Variants in CADM2 observed in about 807,000 individuals in gnomAD.
The protein encoded by CADM2 is cell adhesion molecule 2.
CADM2 carries 12 observed loss-of-function variants against 49.8 expected under a neutral mutation model. The ratio of observed to expected loss-of-function variants is 0.24; its 90% CI spans 0.15 to 0.39. The LOEUF (loss-of-function observed/expected upper bound fraction) is 0.39. CADM2 is among the 10% of genes least tolerant of loss of function. CADM2 has a pLI of 1.00. For synonymous variants in CADM2, 214 were observed against 175.4 expected, an observed-to-expected ratio of 1.22 and a Z score of -1.74; for missense variants, 378 against 492.3, an observed-to-expected ratio of 0.77 and a Z score of 2.20.
intron 1 of CADM2, among the ~76,000 whole-genome samples, chr3:85,452,708 G>C (rs2037806898): frequency 6.6e-6 from 1 of 152,132 alleles, no homozygotes; most frequent in Non-Finnish European, 1.5e-5. Context: ...ATTCTCAGAA[G>C]AACTGTCAAG....
intron 1 of CADM2, among the ~76,000 whole-genome samples, chr3:85,262,264 T>C (rs2043028698): frequency 6.6e-6 from 1 of 152,116 alleles, no homozygotes; most frequent in African/African-American, 2.4e-5. Context: ...GATTTTAATT[T>C]TATTCATATT....
At chr3:85,487,342 C>T (rs1232827848) in intron 1 of CADM2, among the ~76,000 whole-genome samples, 1 of 152,118 alleles carries the variant, frequency 6.6e-6, no homozygotes, top group Non-Finnish European at 1.5e-5. Context: ...AACAACACAT[C>T]CATCTCTAGA....
chr3:85,711,452 G>A (rs1577138533), intron 1 of CADM2, among the ~76,000 whole-genome samples: 1 of 152,018 alleles, frequency 6.6e-6, no homozygotes, highest in East Asian at 1.9e-4. Context: ...AAAACATTAA[G>A]TTTCTTCTTT....
intron 1 of CADM2, among the ~76,000 whole-genome samples, chr3:84,988,346 A>T (rs1219409645): frequency 6.6e-6 from 1 of 152,246 alleles, no homozygotes; most frequent in Non-Finnish European, 1.5e-5. Context: ...GCCTTAGGCC[A>T]AGTTCTAGCC....
At chr3:85,245,404 T>C (rs1443428840) in intron 1 of CADM2, among the ~76,000 whole-genome samples, 2 of 151,482 alleles carry the variant, frequency 1.3e-5, no homozygotes, top group African/African-American at 2.4e-5. Flanking sequence ...ACCAGCTACT[T>C]GGGAGGCTGA....
chr3:85,898,951 A>ATTT (rs1559729799), intron 5 of CADM2, among the ~76,000 whole-genome samples: 1 of 48,546 alleles, frequency 2.1e-5, no homozygotes, highest in Non-Finnish European at 3.5e-5. Flanking sequence ...ATATATATAT[A>ATTT]TATATTTTTT....
intron 1 of CADM2, among the ~76,000 whole-genome samples, chr3:85,060,511 C>T (rs1045370736): frequency 6.6e-6 from 1 of 152,064 alleles, no homozygotes; most frequent in African/African-American, 2.4e-5. Context: ...GACACACTTC[C>T]TTGGAGTTAT....
chr3:85,769,488 CATATATACATAT>C (rs2069914135), intron 2 of CADM2, among the ~76,000 whole-genome samples: 1 of 56,280 alleles, frequency 1.8e-5, no homozygotes, highest in Non-Finnish European at 2.8e-5. Context: ...CACGTATATA[CATATATACATAT>C]ATGTATATAT....
At chr3:85,718,061 C>T (rs914015052) in intron 1 of CADM2, among the ~76,000 whole-genome samples, 4 of 152,144 alleles carry the variant, frequency 2.6e-5, no homozygotes, top group Admixed American at 6.5e-5. Flanking sequence ...TAAGCCACCA[C>T]GTCCAGCCAG....
intron 2 of CADM2, among the ~76,000 whole-genome samples, chr3:85,744,656 G>A (rs2068539251): frequency 1.3e-5 from 2 of 152,152 alleles, no homozygotes; most frequent in Non-Finnish European, 2.9e-5. Context: ...TGAGCACTAT[G>A]AGTTAAGTAT....
intron 1 of CADM2, among the ~76,000 whole-genome samples, chr3:85,051,362 A>G (rs2035875685): frequency 6.6e-6 from 1 of 152,324 alleles, no homozygotes; most frequent in South Asian, 2.1e-4. Context: ...ACCAGCAGCC[A>G]TGAATACCTT....
chr3:85,949,161 T>C (rs954862237), intron 7 of CADM2, among the ~76,000 whole-genome samples: 1 of 151,476 alleles, frequency 6.6e-6, no homozygotes, highest in Non-Finnish European at 1.5e-5. Context: ...TTGCAAATTG[T>C]GGCTTATTAA....
intron 1 of CADM2, among the ~76,000 whole-genome samples, chr3:85,160,369 G>A (rs1359601781): frequency 6.6e-6 from 1 of 151,838 alleles, no homozygotes; most frequent in Non-Finnish European, 1.5e-5. Flanking sequence ...GATCAAATTT[G>A]ATTTCTTAAA....
At chr3:85,862,896 A>AT (rs1301188899) in intron 3 of CADM2, among the ~76,000 whole-genome samples, 9 of 151,666 alleles carry the variant, frequency 5.9e-5, no homozygotes, top group Admixed American at 2.6e-4. Context: ...AACAACTCAA[A>AT]TTTTTTTTTA....
chr3:85,777,610 A>G (rs1419964574), intron 2 of CADM2, among the ~76,000 whole-genome samples: 2 of 152,032 alleles, frequency 1.3e-5, no homozygotes, highest in Non-Finnish European at 2.9e-5. Context: ...ATGTTTTCCT[A>G]TATTCCTCTA....
At chr3:85,276,710 G>A (rs867323907) in intron 1 of CADM2, among the ~76,000 whole-genome samples, 1 of 151,144 alleles carries the variant, frequency 6.6e-6, no homozygotes, top group Non-Finnish European at 1.5e-5. Context: ...AAAAAAGCTT[G>A]GGTGATTTTC....
At chr3:85,848,749 C>T (rs1351124887) in intron 3 of CADM2, among the ~76,000 whole-genome samples, 1 of 152,048 alleles carries the variant, frequency 6.6e-6, no homozygotes, top group African/African-American at 2.4e-5. Flanking sequence ...ACGCATACAA[C>T]AGAATAACTG....
chr3:85,513,994 A>G (rs1355866264), intron 1 of CADM2, among the ~76,000 whole-genome samples: 5 of 152,230 alleles, frequency 3.3e-5, no homozygotes, highest in Non-Finnish European at 4.4e-5. Context: ...ACAAATGTCT[A>G]TAGACTGGGT....
chr3:85,141,230 C>A (rs935449655), intron 1 of CADM2, among the ~76,000 whole-genome samples: 6 of 152,278 alleles, frequency 3.9e-5, no homozygotes, highest in Admixed American at 3.3e-4. Context: ...GGGTTTAAAT[C>A]TTAGTTGTAC....
Sources: gnomAD v4.1 joint callset for allele counts (sites outside exome capture counted in the v4.1 genomes callset) on GRCh38, gnomAD v4.1.1 for gene constraint, MANE v1.5 for transcripts, NCBI Gene and HGNC (gene_info 2026-07-23, HGNC 2026-07-21) for gene names.